Variants in SCFD2 observed in about 807,000 individuals in gnomAD.
The protein encoded by SCFD2 is sec1 family domain-containing protein 2.
In SCFD2, 54 loss-of-function variants were observed where a neutral mutation model predicts 58.9. The observed-to-expected ratio is 0.92, with a 90% CI of 0.74 to 1.15. The LOEUF is 1.15. Among genes scored for constraint, SCFD2 ranks in the 50% most tolerant of loss-of-function variants. The probability of loss-of-function intolerance (pLI) is 0.00; values close to 1 mark genes in which losing one functional copy is unlikely to be tolerated. For synonymous variants in SCFD2, 321 were observed against 335.9 expected (o/e 0.96, Z 0.49); for missense variants, 805 against 836.6 (o/e 0.96, Z 0.47).
At chr4:52,886,939 C>T (rs1010096859) in intron 7 of SCFD2, among the ~76,000 whole-genome samples, 1 of 152,168 alleles carries the variant, frequency 6.6e-6, no homozygotes, top group Non-Finnish European at 1.5e-5. Flanking sequence ...TGTTGCATGG[C>T]TCTGTATATT....
At chr4:53,299,197 A>G (rs1285678936) in intron 3 of SCFD2, among the ~76,000 whole-genome samples, 1 of 152,208 alleles carries the variant, frequency 6.6e-6, no homozygotes, top group Non-Finnish European at 1.5e-5. Context: ...AAAACTTTGA[A>G]AAAAAGTTAG....
chr4:53,142,505 A>G (rs994192033), intron 5 of SCFD2, among the ~76,000 whole-genome samples: 2 of 152,232 alleles, frequency 1.3e-5, no homozygotes, highest in African/African-American at 2.4e-5. Flanking sequence ...CCTTACGCCA[A>G]CTTTCCAACA....
intron 5 of SCFD2, among the ~76,000 whole-genome samples, chr4:52,959,788 T>A (rs1720800896): frequency 6.6e-6 from 1 of 152,038 alleles, no homozygotes. Context: ...TGCAAATAGA[T>A]GTGAATAAAC....
chr4:52,989,309 G>A (rs532503835), intron 5 of SCFD2, among the ~76,000 whole-genome samples: 2 of 152,258 alleles, frequency 1.3e-5, no homozygotes, highest in Non-Finnish European at 2.9e-5. Context: ...TCTCCTAAAG[G>A]GATGTTATAA....
chr4:52,909,869 A>AC (rs1447597293), intron 6 of SCFD2, among the ~76,000 whole-genome samples: 3 of 152,180 alleles, frequency 2.0e-5, no homozygotes, highest in Admixed American at 2.0e-4. Flanking sequence ...ATGTAAAAAA[A>AC]GGGCCATGGA....
At chr4:53,249,239 G>A (rs1006564857) in intron 4 of SCFD2, among the ~76,000 whole-genome samples, 16 of 152,150 alleles carry the variant, frequency 1.1e-4, no homozygotes, top group African/African-American at 3.6e-4. Flanking sequence ...AATGAAGTGA[G>A]AAGGGAAGTT....
chr4:53,331,283 C>T (rs1245616353), intron 2 of SCFD2, among the ~76,000 whole-genome samples: 2 of 151,390 alleles, frequency 1.3e-5, no homozygotes, highest in Admixed American at 1.3e-4. Flanking sequence ...CCCAAATCAA[C>T]AGAATATACA....
Position 53,105,151 on chromosome 4 carries a change from G to A in SCFD2, c.1561+40182C>T, listed in dbSNP as rs375237126. ...TGTGCCATGAGGAATGGTGCACTCC[G>A]GCCCAGATACTATGCTTTTCCCAGA... On this transcript the variant is annotated intron_variant, in intron 5 of 8. Transcript: ENST00000401642. Among the ~76,000 whole-genome samples the A allele has an allele frequency of 1.5e-4, 23 of 152,152 alleles. No individual in the cohort carries two copies. The South Asian group carries it at 1.9e-3, about 12-fold the overall frequency.
chr4:53,146,303 C>T (rs1726330017), intron 4 of SCFD2, among the ~76,000 whole-genome samples: 1 of 152,048 alleles, frequency 6.6e-6, no homozygotes, highest in Non-Finnish European at 1.5e-5. Context: ...GTGTAAGTTC[C>T]CAGAAACTGT....
chr4:53,036,271 C>CA (rs1423722717), intron 5 of SCFD2, among the ~76,000 whole-genome samples: 1 of 151,610 alleles, frequency 6.6e-6, no homozygotes, highest in African/African-American at 2.4e-5. Context: ...CATGTGTTCT[C>CA]ATTACTCATT....
intron 5 of SCFD2, among the ~76,000 whole-genome samples, chr4:53,014,376 C>A (rs1006155704): frequency 6.6e-6 from 1 of 152,220 alleles, no homozygotes; most frequent in Non-Finnish European, 1.5e-5. Flanking sequence ...TCACTGGCCA[C>A]ACCTAAAATC....
At chr4:53,253,880 A>T (rs1240242232) in intron 4 of SCFD2, among the ~76,000 whole-genome samples, 1 of 150,790 alleles carries the variant, frequency 6.6e-6, no homozygotes, top group Non-Finnish European at 1.5e-5. Context: ...CCTAAAACTT[A>T]AAGTATAATT....
chr4:52,994,769 T>C lies in SCFD2; in HGVS notation c.1562-73899A>G, dbSNP rs372418072. ...CCTCACTGTTTGCAATGCAAAAACA[T>C]TCCCTCATTAACAACAGGAAAAAAA... On this transcript the variant is annotated intron_variant, in intron 5 of 8. Transcript: ENST00000401642. Among the ~76,000 whole-genome samples the C allele has an allele frequency of 6.6e-5, 10 of 152,296 alleles. No homozygotes were observed. The East Asian group carries it at 1.2e-3, about 18-fold the overall frequency.
At chr4:53,162,654 CATT>C (rs1389810822) in intron 4 of SCFD2, among the ~76,000 whole-genome samples, 1 of 150,062 alleles carries the variant, frequency 6.7e-6, no homozygotes, top group Admixed American at 6.7e-5. Flanking sequence ...GATGGTATCT[CATT>C]GTGGACACAG....
At chr4:52,967,500 C>G (rs571186756) in intron 5 of SCFD2, among the ~76,000 whole-genome samples, 3 of 152,212 alleles carry the variant, frequency 2.0e-5, no homozygotes, top group African/African-American at 4.8e-5. Flanking sequence ...TGAGGAAACT[C>G]AAGCATAACT....
At chr4:52,937,800 G>A (rs1054435531) in intron 5 of SCFD2, among the ~76,000 whole-genome samples, 6 of 152,122 alleles carry the variant, frequency 3.9e-5, no homozygotes, top group Admixed American at 3.9e-4. Flanking sequence ...GAGCTGGCAA[G>A]TGAAGGAAAA....
intron 2 of SCFD2, among the ~76,000 whole-genome samples, chr4:53,334,809 T>C (rs549217672): frequency 6.6e-6 from 1 of 152,292 alleles, no homozygotes; most frequent in South Asian, 2.1e-4. Context: ...TGGAAGAGAC[T>C]ATTTACATAA....
chr4:52,907,509 A>T lies in SCFD2; in HGVS notation c.1790T>A (p.Met597Lys). ...ERPDSVDIEH[M>K]SSGLTDLLKT... Reference sequence around the variant, plus strand: ...AAGGAGATCAGTGAGGCCTGAAGACATGTGTTCAATATCAACGGAATCTGG... The same window carrying T: ...AAGGAGATCAGTGAGGCCTGAAGACTTGTGTTCAATATCAACGGAATCTGG... The change falls in exon 7 of 9, where the codon ATG (methionine) becomes AAG (lysine). Residue 597 changes from methionine (M) to lysine (K), a missense_variant. Met to Lys is a moderately conservative substitution (Grantham distance 95, BLOSUM62 -1). This residue lies in a region of SCFD2 where 633 missense variants were observed against 646.8 expected (regional missense o/e 0.98). Transcript: ENST00000401642. The T allele has an allele frequency of 6.2e-7, 1 of 1,613,972 alleles. No homozygotes were observed. Among genetic ancestry groups the T allele is most frequent in the Non-Finnish European group, 8.5e-7 (1 of 1,179,850 alleles).
intron 5 of SCFD2, among the ~76,000 whole-genome samples, chr4:52,972,912 T>A (rs1721143520): frequency 1.3e-5 from 2 of 152,218 alleles, no homozygotes; most frequent in Admixed American, 1.3e-4. Flanking sequence ...TGCTCCTGAA[T>A]GACTACTGGG....
Sources: allele counts gnomAD v4.1 joint callset (sites outside exome capture counted in the v4.1 genomes callset), GRCh38; gene constraint gnomAD v4.1.1; regional missense constraint gnomAD v4.1.1; transcripts MANE v1.5; gene names NCBI Gene and HGNC (gene_info 2026-07-23, HGNC 2026-07-21).